The following DOP1B variants were observed in gnomAD, a reference collection of about 807,000 sequenced individuals.
DOP1B encodes the protein DOP1 leucine zipper like protein B.
DOP1B carries 174 observed loss-of-function variants against 233.5 expected under a neutral mutation model. That is an observed-to-expected ratio of 0.75 (90% CI 0.66 to 0.85). The LOEUF (loss-of-function observed/expected upper bound fraction) is 0.85. DOP1B is among the 40% of genes least tolerant of loss of function. The pLI is 0.00. For missense variants in DOP1B, 2,652 were observed against 2,846.6 expected, an observed-to-expected ratio of 0.93 and a Z score of 1.56; for synonymous variants, 1,190 against 1,185.6, an observed-to-expected ratio of 1.00 and a Z score of -0.08.
intron 27 of DOP1B, among the ~76,000 whole-genome samples, chr21:36,275,847 G>C (rs1006628190): frequency 2.0e-5 from 3 of 152,158 alleles, no homozygotes; most frequent in Non-Finnish European, 2.9e-5. Context: ...CCGAGGGAAA[G>C]AAGCAAAGGA....
chr21:36,261,976 A>G (rs1454544318), intron 24 of DOP1B: 3 of 984,460 alleles, frequency 3.0e-6, no homozygotes, highest in Non-Finnish European at 3.6e-6. Flanking sequence ...CACTATGCCT[A>G]CATAGCCATC....
At chr21:36,252,326 T>TA (rs2067040775) in intron 22 of DOP1B, among the ~76,000 whole-genome samples, 1 of 151,900 alleles carries the variant, frequency 6.6e-6, no homozygotes, top group African/African-American at 2.4e-5. Context: ...GGCATGGTGG[T>TA]ATGCGCCTAT....
intron 1 of DOP1B, among the ~76,000 whole-genome samples, chr21:36,162,921 T>C (rs3761355): frequency 0.79 from 119,650 of 151,888 alleles, 47,676 homozygotes; most frequent in Non-Finnish European, 0.86. Flanking sequence ...CAAGCTCTGG[T>C]GCTGGAGGGG....
Position 36,245,621 on chromosome 21 carries a change from A to C in DOP1B, c.3641A>C (p.Gln1214Pro). ...ACCACATCCAGGCTGCTAAAGCAGC[A>C]GCGGGAAAGGCAGGAGGCCGTCGAG... ...ALTTSRLLKQQRERQEAVEAL... is the reference protein window; with the variant it reads ...ALTTSRLLKQPRERQEAVEAL... Residue 1214 changes from glutamine (Q) to proline (P), a missense_variant, in exon 19 of 37, where the codon CAG becomes CCG. Gln to Pro is a moderately conservative substitution (Grantham distance 76). Around this residue, in one of 3 missense-constraint regions of DOP1B, gnomAD observed 2,617 missense variants for 2,794.3 expected, o/e 0.94. Transcript: ENST00000691173. This position sits in a 1 kb window ranked among gnomAD's most constrained non-coding sequence, Gnocchi z 5.5. 6.2e-7 allele frequency: 1 copy of C among 1,613,540 alleles called. No homozygotes were observed. Among genetic ancestry groups the C allele is most frequent in the Non-Finnish European group, 8.5e-7 (1 of 1,179,946 alleles).
At chr21:36,218,101 C>T (rs867815362) in intron 9 of DOP1B, among the ~76,000 whole-genome samples, 5 of 152,198 alleles carry the variant, frequency 3.3e-5, no homozygotes, top group Admixed American at 2.0e-4. Context: ...AGGCACAGGA[C>T]GGCCATTCAG....
chr21:36,168,912 TA>T lies in DOP1B; in HGVS notation c.138+4043del, dbSNP rs1280544209. The T allele has an allele frequency of 3.7e-5, 18 of 488,860 alleles. No homozygotes were observed. In the East Asian group the frequency reaches 7.3e-4, roughly 20 times the overall value. The allele number at this position is 488,860 out of a possible 1,614,324, so 30.3% of individuals were successfully genotyped here. ...CCTGTGGGTTTTTTTTTTTAATTAA[TA>T]ATTTTAAAAAATAACTTTTATTGAG... On this transcript the variant is annotated intron_variant, in intron 2 of 36. Coordinates refer to ENST00000691173, the MANE Select transcript of DOP1B (RefSeq NM_001320714.2).
At chr21:36,253,933 G>A (rs2067063231) in intron 23 of DOP1B, 24 bp downstream of exon 23, 2 of 1,606,834 alleles carry the variant, frequency 1.2e-6, no homozygotes, top group Admixed American at 1.7e-5. Flanking sequence ...GGAAGCCTCT[G>A]GGCTTCTGCA....
At chr21:36,215,732 C>T (rs941617741) in intron 9 of DOP1B, among the ~76,000 whole-genome samples, 19 of 149,584 alleles carry the variant, frequency 1.3e-4, no homozygotes, top group African/African-American at 4.6e-4. Flanking sequence ...AAGAAATTTG[C>T]GACCAGGCAC....
chr21:36,246,094 G>A lies in DOP1B; in HGVS notation c.4114G>A (p.Glu1372Lys). The A allele has an allele frequency of 6.2e-7, 1 of 1,614,108 alleles. No individual in the cohort carries two copies. Among genetic ancestry groups the A allele is most frequent in the Non-Finnish European group, 8.5e-7 (1 of 1,180,024 alleles). The part of the protein sequence containing the change: ...VAKSSEGKNV[E>K]FIHSLLQRCK... ...CAAGTCTTCGGAAGGGAAGAACGTG[G>A]AGTTCATCCACAGCTTGCTGCAGAG... Residue 1372 changes from glutamate (E) to lysine (K), a missense_variant, in exon 19 of 37, where the codon GAG (glutamate) becomes AAG (lysine). Physicochemically the swap from Glu to Lys is moderately conservative, Grantham distance 56 (BLOSUM62 1). Transcript: ENST00000691173. The surrounding 1 kb of genome is among the most constrained non-coding windows in gnomAD (Gnocchi z 5.1).
At chr21:36,159,517 T>C (rs2065851456) in intron 1 of DOP1B, among the ~76,000 whole-genome samples, 1 of 152,178 alleles carries the variant, frequency 6.6e-6, no homozygotes, top group Non-Finnish European at 1.5e-5. Flanking sequence ...CCAGAAGACT[T>C]GCTTGGTAGC....
At chr21:36,250,346 G>A (rs933878814) in intron 21 of DOP1B, among the ~76,000 whole-genome samples, 1 of 152,192 alleles carries the variant, frequency 6.6e-6, no homozygotes, top group African/African-American at 2.4e-5. Flanking sequence ...TTTACCGGTG[G>A]ACAAGAGAGA....
chr21:36,184,169 C>T (rs889730737), intron 2 of DOP1B, among the ~76,000 whole-genome samples: 13 of 152,146 alleles, frequency 8.5e-5, no homozygotes, highest in Non-Finnish European at 1.9e-4. Context: ...CTGCCTCAGC[C>T]TCCCAAGTAG....
intron 26 of DOP1B, among the ~76,000 whole-genome samples, chr21:36,269,332 C>T (rs2067261691): frequency 6.6e-6 from 1 of 151,246 alleles, no homozygotes. Flanking sequence ...ATTTTGTATT[C>T]TTACTAGAGA....
rs148400167 is a variant in DOP1B at position 36,261,766 on chromosome 21, A to G, written c.5315+1034A>G. On this transcript the variant is annotated intron_variant, in intron 24 of 36. Coordinates refer to ENST00000691173, the MANE Select transcript of DOP1B (RefSeq NM_001320714.2). ...CTACTAAAACTACAAAAAATTAGCC[A>G]GGGCTTGGTGGCAGCATGCCTGTAG... 3,249 of 674,254 alleles carry G rather than the reference A, an allele frequency of 4.8e-3. 19 individuals are homozygous for G. Among genetic ancestry groups the G allele is most frequent in the Non-Finnish European group, 4.8e-3 (2,629 of 546,382 alleles). The allele number at this position is 674,254 out of a possible 1,614,324, so 41.8% of individuals were successfully genotyped here.
chr21:36,216,555 G>T (rs2066561481), intron 9 of DOP1B, among the ~76,000 whole-genome samples: 1 of 152,124 alleles, frequency 6.6e-6, no homozygotes, highest in Admixed American at 6.5e-5. Context: ...AGATTGCAGT[G>T]AGCTGAGATC....
intron 2 of DOP1B, among the ~76,000 whole-genome samples, chr21:36,197,625 C>T (rs1472700409): frequency 3.3e-5 from 5 of 152,152 alleles, no homozygotes; most frequent in African/African-American, 7.2e-5. Flanking sequence ...CTAAATCACA[C>T]GTGAGGAAGA....
At chr21:36,167,973 T>C (rs1350667186) in intron 2 of DOP1B, among the ~76,000 whole-genome samples, 1 of 130,992 alleles carries the variant, frequency 7.6e-6, no homozygotes, top group Non-Finnish European at 1.6e-5. Flanking sequence ...AGATGGAATC[T>C]CACTCTGTCA....
chr21:36,245,302 G>A lies in DOP1B; in HGVS notation c.3322G>A (p.Glu1108Lys), dbSNP rs376109953. ...GGCCCACGGCGCCCCGGACAGCAGC[G>A]AGCACACCGAGTCTGCAGATACAAG... ...RTAHGAPDSS[E>K]HTESADTSSC... Residue 1108 changes from glutamate to lysine, a missense_variant, in exon 19 of 37, where the codon GAG (glutamate) becomes AAG (lysine). Glu to Lys is a moderately conservative substitution (Grantham distance 56). Transcript: ENST00000691173. This position sits in a 1 kb window ranked among gnomAD's most constrained non-coding sequence, Gnocchi z 5.5. 7.4e-6 allele frequency: 12 copies of A among 1,614,082 alleles called. No homozygotes were observed. The highest frequency in any genetic ancestry group is 2.2e-5 in the East Asian group (1 of 44,878).
Position 36,293,490 on chromosome 21 carries a change from T to G in DOP1B, c.6816T>G (p.Phe2272Leu). The G allele has an allele frequency of 6.2e-7, 1 of 1,614,190 alleles. No individual in the cohort carries two copies. The highest frequency in any genetic ancestry group is 1.1e-5 in the South Asian group (1 of 91,086). The change falls in exon 37 of 37, where the codon TTT becomes TTG. Residue 2272 changes from phenylalanine (F) to leucine (L), a missense_variant. Phe to Leu is a conservative substitution (Grantham distance 22). Coordinates refer to ENST00000691173, the MANE Select transcript of DOP1B (RefSeq NM_001320714.2). ...ADSPGTPFLD[F>L]PVTDSPRILK... ...GCCCAGGAACTCCATTCTTGGACTTTCCTGTCACAGATAGCCCAAGGATCT... is the reference window on the plus strand; with the variant it reads ...GCCCAGGAACTCCATTCTTGGACTTGCCTGTCACAGATAGCCCAAGGATCT...
Sources: allele counts gnomAD v4.1 joint callset (sites outside exome capture counted in the v4.1 genomes callset), GRCh38; gene constraint gnomAD v4.1.1; regional missense constraint gnomAD v4.1.1; non-coding constraint Gnocchi (gnomAD v3.1); transcripts MANE v1.5; gene names NCBI Gene and HGNC (gene_info 2026-07-23, HGNC 2026-07-21).